The following PPFIBP1 variants were observed in gnomAD, a reference collection of about 807,000 sequenced individuals.
The protein encoded by PPFIBP1 is liprin-beta-1.
A neutral mutation model predicts 137.8 loss-of-function variants in PPFIBP1; 112 were observed. That is an observed-to-expected ratio of 0.81 (90% CI 0.70 to 0.95). PPFIBP1 has a LOEUF of 0.95. PPFIBP1 is among the 40% of genes least tolerant of loss of function. The pLI is 0.00. For synonymous variants in PPFIBP1, 378 were observed against 417.3 expected (o/e 0.91, Z 1.15); for missense variants, 1,083 against 1,196.6 (o/e 0.91, Z 1.40).
chr12:27,583,320 G>A (rs183481883), intron 2 of PPFIBP1, among the ~76,000 whole-genome samples: 15 of 152,292 alleles, frequency 9.8e-5, no homozygotes, highest in African/African-American at 3.1e-4. Context: ...GGAATTCCTG[G>A]AACAGGGAAG....
intron 2 of PPFIBP1, among the ~76,000 whole-genome samples, chr12:27,597,208 C>A (rs1408695154): frequency 6.6e-6 from 1 of 152,184 alleles, no homozygotes; most frequent in East Asian, 1.9e-4. Context: ...CGTTCTGTCG[C>A]CCAGGCTGGA....
chr12:27,553,934 C>T (rs1474692340), intron 1 of PPFIBP1, among the ~76,000 whole-genome samples: 1 of 152,224 alleles, frequency 6.6e-6, no homozygotes. Flanking sequence ...AGTTTATAAG[C>T]AACTCTTGCT....
rs753478506 is a variant in PPFIBP1, at chr12:27,655,207, G to A, written c.696+393G>A. On this transcript the variant is annotated intron_variant, in intron 8 of 29. Coordinates refer to ENST00000228425, the MANE Select transcript of PPFIBP1 (RefSeq NM_003622.4). ...GGTCAGATGCAGTATGAAAAGCAGC[G>A]GATGGAACAAAAATGGGAGTCACTG... 4.2e-5 allele frequency: 65 copies of A among 1,535,224 alleles called. 1 individual carries two copies. The highest frequency in any genetic ancestry group is 1.1e-4 in the African/African-American group (8 of 73,016).
intron 10 of PPFIBP1, 141 bp from the exon 11 acceptor site, chr12:27,660,743 T>C: frequency 1.5e-6 from 2 of 1,294,956 alleles, no homozygotes; most frequent in Non-Finnish European, 2.1e-6. Context: ...ATATGGGTGT[T>C]AAATGTGCCC....
At chr12:27,543,024 AC>A (rs1945835405) in intron 1 of PPFIBP1, among the ~76,000 whole-genome samples, 1 of 152,126 alleles carries the variant, frequency 6.6e-6, no homozygotes, top group Admixed American at 6.6e-5. Flanking sequence ...CTGTTACATA[AC>A]CCAGGGGAGG....
At chr12:27,587,794 A>T (rs2051967901) in intron 2 of PPFIBP1, among the ~76,000 whole-genome samples, 1 of 152,076 alleles carries the variant, frequency 6.6e-6, no homozygotes, top group Non-Finnish European at 1.5e-5. Flanking sequence ...TGCAGATATC[A>T]TGACACTTCT....
intron 2 of PPFIBP1, chr12:27,594,077 C>T (rs2052882444): frequency 3.1e-6 from 4 of 1,270,914 alleles, no homozygotes; most frequent in African/African-American, 3.1e-5. Flanking sequence ...ACTTGAGAAG[C>T]TTCAAAAAAA....
At chr12:27,527,406 T>A (rs1745154315) in intron 1 of PPFIBP1, among the ~76,000 whole-genome samples, 1 of 151,750 alleles carries the variant, frequency 6.6e-6, no homozygotes, top group Admixed American at 6.6e-5. Flanking sequence ...ACATGCCCGG[T>A]TAATTTTTGT....
chr12:27,687,775 A>G (rs1357851081), intron 25 of PPFIBP1, among the ~76,000 whole-genome samples: 9 of 152,134 alleles, frequency 5.9e-5, no homozygotes, highest in Admixed American at 5.9e-4. Flanking sequence ...ACAGAGATAA[A>G]TATCACTATA....
In PPFIBP1 at chr12:27,677,375, G is replaced by A. The variant is rs2060586422; in HGVS notation, c.1615+279G>A. 4 of 513,496 alleles carry A rather than the reference G, an allele frequency of 7.8e-6. No individual in the cohort carries two copies. The Admixed American group carries it at 1.2e-4, about 16-fold the overall frequency. 31.8% of individuals were successfully genotyped at this position (513,496 alleles called of 1,614,324 possible). A position where few individuals can be genotyped will look rare whatever the true frequency, so the allele number is the denominator to read the frequency against. ...CAGCATCCCTCAGAGTGCAGGGCAG[G>A]AATGTCCTGGCATTGTACATTGCAG... On this transcript the variant is annotated intron_variant, in intron 19 of 29. Coordinates refer to ENST00000228425, the MANE Select transcript of PPFIBP1 (RefSeq NM_003622.4).
intron 2 of PPFIBP1, among the ~76,000 whole-genome samples, chr12:27,631,793 G>A (rs1295121025): frequency 6.6e-6 from 1 of 152,116 alleles, no homozygotes; most frequent in Non-Finnish European, 1.5e-5. Flanking sequence ...TAACAAAGAC[G>A]AATATTTTTT....
intron 1 of PPFIBP1, among the ~76,000 whole-genome samples, chr12:27,572,148 T>G (rs911351832): frequency 6.6e-6 from 1 of 152,198 alleles, no homozygotes; most frequent in African/African-American, 2.4e-5. Flanking sequence ...AATTCATATT[T>G]TTATATAGTT....
At chr12:27,640,468 G>T (rs761347359) in intron 4 of PPFIBP1, among the ~76,000 whole-genome samples, 20 of 152,214 alleles carry the variant, frequency 1.3e-4, no homozygotes, top group Non-Finnish European at 2.4e-4. Flanking sequence ...TGAGATAGGA[G>T]CTGGGGCTTC....
At chr12:27,592,270 T>G (rs1259845907) in intron 2 of PPFIBP1, among the ~76,000 whole-genome samples, 1 of 152,150 alleles carries the variant, frequency 6.6e-6, no homozygotes, top group Admixed American at 6.5e-5. Flanking sequence ...TCTGTCAACT[T>G]GAGAAGCTTC....
chr12:27,625,737 C>T (rs1365486122), intron 2 of PPFIBP1, among the ~76,000 whole-genome samples: 1 of 152,024 alleles, frequency 6.6e-6, no homozygotes, highest in Non-Finnish European at 1.5e-5. Context: ...GCACATACCA[C>T]TATGCCCAGC....
chr12:27,648,280 A>G (rs891741813), intron 6 of PPFIBP1, among the ~76,000 whole-genome samples: 8 of 152,192 alleles, frequency 5.3e-5, no homozygotes, highest in African/African-American at 1.9e-4. Flanking sequence ...GAGAAATGCA[A>G]ATCAAAACTG....
At chr12:27,574,645 A>G (rs886617882) in intron 1 of PPFIBP1, among the ~76,000 whole-genome samples, 3 of 152,216 alleles carry the variant, frequency 2.0e-5, no homozygotes, top group African/African-American at 7.2e-5. Context: ...TTGACCTAAC[A>G]TAACTAACAG....
intron 6 of PPFIBP1, among the ~76,000 whole-genome samples, chr12:27,648,381 C>T (rs1025298552): frequency 2.6e-5 from 4 of 152,084 alleles, no homozygotes; most frequent in African/African-American, 9.7e-5. Context: ...GAAAAGGGAA[C>T]CCTTGTACAC....
At chr12:27,660,735 A>G (rs2059493824) in intron 10 of PPFIBP1, 149 bp from the exon 11 acceptor site, 2 of 1,185,664 alleles carry the variant, frequency 1.7e-6, no homozygotes, top group South Asian at 1.9e-5. Flanking sequence ...AAAAGAGAAT[A>G]TGGGTGTTAA....
Sources: gnomAD v4.1 joint callset for allele counts (sites outside exome capture counted in the v4.1 genomes callset) on GRCh38, gnomAD v4.1.1 for gene constraint, MANE v1.5 for transcripts, NCBI Gene and HGNC (gene_info 2026-07-23, HGNC 2026-07-21) for gene names.